LRRFIP1: variants seen among roughly 807,000 people sequenced by gnomAD.
LRRFIP1 encodes the protein LRR binding FLII interacting protein 1.
LRRFIP1 carries 62 observed loss-of-function variants against 104.4 expected under a neutral mutation model. The observed-to-expected ratio is 0.59, with a 90% confidence interval of 0.48 to 0.73. The LOEUF is 0.73. LRRFIP1 is among the 30% of genes least tolerant of loss of function. The pLI, the probability that LRRFIP1 is intolerant of heterozygous loss-of-function variation, is 0.00. For missense variants in LRRFIP1, 796 were observed against 824.5 expected, an observed-to-expected ratio of 0.97 and a Z score of 0.42; for synonymous variants, 300 against 299.0, an observed-to-expected ratio of 1.00 and a Z score of -0.03.
intron 11 of LRRFIP1, among the ~76,000 whole-genome samples, chr2:237,746,197 T>G (rs1170526657): frequency 6.6e-6 from 1 of 151,928 alleles, no homozygotes; most frequent in Non-Finnish European, 1.5e-5. Context: ...TAGCTGGGAT[T>G]ACAGGTGCAT....
At chr2:237,653,668 C>A (rs1335692332) in intron 1 of LRRFIP1, among the ~76,000 whole-genome samples, 1 of 152,170 alleles carries the variant, frequency 6.6e-6, no homozygotes, top group South Asian at 2.1e-4. Context: ...AACAGGTGGA[C>A]CAGTGGAAGA....
In LRRFIP1 at chr2:237,774,418, A is replaced by G; in HGVS notation, c.1768A>G (p.Ile590Val). 2 of 1,613,928 alleles carry G rather than the reference A, an allele frequency of 1.2e-6. No individual in the cohort carries two copies. The highest frequency in any genetic ancestry group is 1.7e-6 in the Non-Finnish European group (2 of 1,179,826). The change falls in exon 23 of 24, where the codon ATA (isoleucine) becomes GTA (valine). Residue 590 changes from isoleucine to valine, a missense_variant. Coordinates refer to ENST00000308482, the MANE Select transcript of LRRFIP1 (RefSeq NM_001137550.2). ...YKSAAENAEKIEDELKAEKRK... is the reference protein window; with the variant it reads ...YKSAAENAEKVEDELKAEKRK... ...ATCAGCGGCTGAAAATGCAGAAAAA[A>G]TAGAAGATGAACTTAAGGCAGAAAA... is the stretch of plus-strand genomic sequence containing the variant.
chr2:237,719,698 C>A, intron 5 of LRRFIP1, 131 bp downstream of exon 5: 1 of 582,826 alleles, frequency 1.7e-6, no homozygotes, highest in South Asian at 2.7e-5. Context: ...TTAACTAATA[C>A]TATTAATGAT....
intron 1 of LRRFIP1, among the ~76,000 whole-genome samples, chr2:237,707,461 GAAAA>G (rs112902148): frequency 4.8e-5 from 4 of 82,550 alleles, no homozygotes; most frequent in African/African-American, 7.1e-5. Context: ...AAAGGAAAAA[GAAAA>G]AAAAAAAAAA....
At chr2:237,751,430 A>C (rs891577062) in intron 14 of LRRFIP1, among the ~76,000 whole-genome samples, 159 bp downstream of exon 14, 1 of 152,228 alleles carries the variant, frequency 6.6e-6, no homozygotes, top group African/African-American at 2.4e-5. Context: ...ATGGGTGTAC[A>C]CTCACCATTT....
intron 1 of LRRFIP1, among the ~76,000 whole-genome samples, chr2:237,635,394 T>C (rs1176837589): frequency 6.6e-6 from 1 of 152,232 alleles, no homozygotes; most frequent in Non-Finnish European, 1.5e-5. Flanking sequence ...TAAAAATCAC[T>C]GGCAGAACAC....
chr2:237,757,831 T>G (rs1485156848), intron 17 of LRRFIP1, among the ~76,000 whole-genome samples: 2 of 151,938 alleles, frequency 1.3e-5, no homozygotes, highest in Admixed American at 6.5e-5. Flanking sequence ...CCGGTGGTTG[T>G]TGAAACAGCT....
intron 1 of LRRFIP1, among the ~76,000 whole-genome samples, chr2:237,643,505 G>A (rs554220924): frequency 2.0e-5 from 3 of 152,196 alleles, no homozygotes; most frequent in African/African-American, 4.8e-5. Flanking sequence ...CTGCTCAGAC[G>A]GCTGAGGAGT....
chr2:237,678,902 T>C (rs1411995657), intron 1 of LRRFIP1, among the ~76,000 whole-genome samples: 2 of 152,182 alleles, frequency 1.3e-5, no homozygotes, highest in Non-Finnish European at 2.9e-5. Flanking sequence ...TGATTATCAA[T>C]AGCAACTCAT....
intron 2 of LRRFIP1, among the ~76,000 whole-genome samples, chr2:237,713,358 T>C (rs1165668235): frequency 6.6e-6 from 1 of 152,142 alleles, no homozygotes; most frequent in Non-Finnish European, 1.5e-5. Flanking sequence ...ATGGATTTGT[T>C]AGGGGAGAAT....
At chr2:237,686,564 G>A (rs547648994) in intron 1 of LRRFIP1, among the ~76,000 whole-genome samples, 9 of 152,302 alleles carry the variant, frequency 5.9e-5, no homozygotes, top group East Asian at 1.9e-4. Flanking sequence ...GCTTTTAATC[G>A]GGAGAGCCCA....
intron 23 of LRRFIP1, chr2:237,779,220 A>T (rs933077195): frequency 2.1e-6 from 1 of 475,884 alleles, no homozygotes; most frequent in African/African-American, 2.1e-5. Context: ...TCTCAAGAAA[A>T]AAAAAAGAAA....
chr2:237,677,817 C>T (rs2091340592), intron 1 of LRRFIP1, among the ~76,000 whole-genome samples: 1 of 152,190 alleles, frequency 6.6e-6, no homozygotes. Context: ...GCTTTCCTCA[C>T]TGCCTGGGTC....
chr2:237,662,176 A>ACC (rs2088134443), intron 1 of LRRFIP1, among the ~76,000 whole-genome samples: 1 of 151,962 alleles, frequency 6.6e-6, no homozygotes, highest in Admixed American at 6.6e-5. Context: ...GACACATCAC[A>ACC]CCAGGCTCTG....
chr2:237,680,257 C>T (rs951741180), intron 1 of LRRFIP1, among the ~76,000 whole-genome samples: 4 of 152,112 alleles, frequency 2.6e-5, no homozygotes, highest in Admixed American at 6.5e-5. Flanking sequence ...TTGGGAAGGC[C>T]AAGATGGGAG....
intron 1 of LRRFIP1, among the ~76,000 whole-genome samples, chr2:237,653,751 T>A (rs1055428261): frequency 6.6e-6 from 1 of 152,166 alleles, no homozygotes; most frequent in African/African-American, 2.4e-5. Flanking sequence ...GATCACACTA[T>A]GGGGAAAGGA....
At chr2:237,638,910 T>C (rs1295580380) in intron 1 of LRRFIP1, among the ~76,000 whole-genome samples, 1 of 152,222 alleles carries the variant, frequency 6.6e-6, no homozygotes, top group Admixed American at 6.5e-5. Flanking sequence ...CTATTGCAGG[T>C]TGGAACCTTT....
chr2:237,692,031 G>A (rs1315184768), intron 1 of LRRFIP1: 1 of 288,266 alleles, frequency 3.5e-6, no homozygotes, highest in Non-Finnish European at 5.1e-6. Context: ...ACCCTCCGAG[G>A]CGGAGCGGCG....
intron 1 of LRRFIP1, among the ~76,000 whole-genome samples, chr2:237,675,821 A>G (rs1241622586): frequency 6.6e-6 from 1 of 152,206 alleles, no homozygotes; most frequent in South Asian, 2.1e-4. Context: ...TTTTGCAGAG[A>G]TATAATTGTC....
Sources: gnomAD v4.1 joint callset for allele counts (sites outside exome capture counted in the v4.1 genomes callset) on GRCh38, gnomAD v4.1.1 for gene constraint, MANE v1.5 for transcripts, NCBI Gene and HGNC (gene_info 2026-07-23, HGNC 2026-07-21) for gene names.